KATNIP: variants seen among roughly 807,000 people sequenced by gnomAD.
KATNIP encodes katanin interacting protein, also known as katanin-interacting protein.
In KATNIP, 126 loss-of-function variants were observed where a neutral mutation model predicts 174.0. The ratio of observed to expected loss-of-function variants is 0.72; its 90% CI spans 0.63 to 0.84. The LOEUF is 0.84. KATNIP is among the 40% of genes least tolerant of loss of function. The probability of loss-of-function intolerance (pLI) is 0.00; values close to 1 mark genes in which losing one functional copy is unlikely to be tolerated. For missense variants in KATNIP, 1,958 were observed against 2,109.7 expected, an observed-to-expected ratio of 0.93 and a Z score of 1.41; for synonymous variants, 810 against 835.7, an observed-to-expected ratio of 0.97 and a Z score of 0.53.
chr16:27,699,738 C>T lies in KATNIP; in HGVS notation c.1179+139C>T, dbSNP rs1015883825. ...TCCAGGGCGCTTTCCTTCACACTGTCCTACCAGGTCCTCACTGTGTGCCCT... is the reference window on the plus strand; with the variant it reads ...TCCAGGGCGCTTTCCTTCACACTGTTCTACCAGGTCCTCACTGTGTGCCCT... On this transcript the variant is annotated intron_variant, in intron 10 of 27. Transcript: ENST00000261588. 8 of 1,063,186 alleles carry T rather than the reference C, an allele frequency of 7.5e-6. No homozygotes were observed. In the Middle Eastern group the frequency reaches 1.5e-3, roughly 204 times the overall value. The allele number at this position is 1,063,186 out of a possible 1,614,324, so 65.9% of individuals were successfully genotyped here.
chr16:27,550,151 C>T lies in KATNIP; in HGVS notation c.-20C>T. On this transcript the variant is annotated 5_prime_UTR_variant, in exon 1 of 28. Transcript: ENST00000261588. ...AGAGGCCGCTTCCGGTTCGAGCTCCCGGAACCGCCGCCTCTAGGGATGGAC... is the reference window on the plus strand; with the variant it reads ...AGAGGCCGCTTCCGGTTCGAGCTCCTGGAACCGCCGCCTCTAGGGATGGAC... 1.2e-6 allele frequency: 2 copies of T among 1,612,414 alleles called. No individual in the cohort carries two copies. Among genetic ancestry groups the T allele is most frequent in the Non-Finnish European group, 1.7e-6 (2 of 1,178,818 alleles).
intron 14 of KATNIP, among the ~76,000 whole-genome samples, chr16:27,730,432 C>T (rs2080626258): frequency 6.6e-6 from 1 of 152,140 alleles, no homozygotes. Flanking sequence ...GTCTCATTTG[C>T]AGTACTTGTC....
At chr16:27,731,774 A>G (rs1051967661) in intron 14 of KATNIP, among the ~76,000 whole-genome samples, 2 of 152,030 alleles carry the variant, frequency 1.3e-5, no homozygotes, top group Admixed American at 1.3e-4. Flanking sequence ...GTGTGCCCCT[A>G]CACAGGGCTA....
chr16:27,717,450 A>G (rs777295397), intron 13 of KATNIP, among the ~76,000 whole-genome samples: 4 of 152,134 alleles, frequency 2.6e-5, no homozygotes, highest in Non-Finnish European at 5.9e-5. Context: ...TCCATGGGCC[A>G]TTAATAATTC....
intron 2 of KATNIP, among the ~76,000 whole-genome samples, chr16:27,593,515 G>A (rs1210247381): frequency 6.6e-6 from 1 of 152,008 alleles, no homozygotes; most frequent in East Asian, 1.9e-4. Flanking sequence ...TGGGATTACA[G>A]GCGTGAGCCA....
At chr16:27,672,425 C>T (rs192976503) in intron 6 of KATNIP, among the ~76,000 whole-genome samples, 2 of 152,176 alleles carry the variant, frequency 1.3e-5, no homozygotes, top group African/African-American at 2.4e-5. Flanking sequence ...CTGAAATGCC[C>T]CTGTTTATAT....
intron 2 of KATNIP, among the ~76,000 whole-genome samples, chr16:27,593,951 C>T (rs569618093): frequency 1.6e-4 from 24 of 152,238 alleles, no homozygotes; most frequent in Middle Eastern, 6.8e-3. Context: ...GTGCTGTGAC[C>T]TTGTGGCTGA....
chr16:27,700,026 T>A (rs1760439096), intron 10 of KATNIP, among the ~76,000 whole-genome samples: 3 of 152,084 alleles, frequency 2.0e-5, no homozygotes, highest in Non-Finnish European at 4.4e-5. Flanking sequence ...TTCTCCCACC[T>A]CAGCCTCCCA....
At chr16:27,636,749 A>T (rs2076648814) in intron 5 of KATNIP, among the ~76,000 whole-genome samples, 1 of 150,082 alleles carries the variant, frequency 6.7e-6, no homozygotes, top group Non-Finnish European at 1.5e-5. Flanking sequence ...AGACCTGGCC[A>T]TGTAACCTCT....
intron 13 of KATNIP, among the ~76,000 whole-genome samples, chr16:27,713,817 TA>T (rs1567336895): frequency 2.0e-4 from 7 of 34,616 alleles, no homozygotes; most frequent in African/African-American, 1.2e-3. Context: ...TACATATATA[TA>T]TATATATATA....
intron 4 of KATNIP, among the ~76,000 whole-genome samples, chr16:27,629,195 GGAACCAC>G (rs2142148873): frequency 6.6e-6 from 1 of 151,224 alleles, no homozygotes; most frequent in South Asian, 2.1e-4. Context: ...TAGGGATTAT[GGAACCAC>G]ATCCTGTGCA....
At chr16:27,661,287 T>C (rs1485620138) in intron 6 of KATNIP, among the ~76,000 whole-genome samples, 1 of 152,126 alleles carries the variant, frequency 6.6e-6, no homozygotes, top group Non-Finnish European at 1.5e-5. Context: ...ATGGTGGGGA[T>C]AGTAGCAGAC....
Position 27,726,370 on chromosome 16 carries a change from G to A in KATNIP, c.1743+4675G>A, listed in dbSNP as rs140156228. On this transcript the variant is annotated intron_variant, in intron 14 of 27. Transcript: ENST00000261588. ...CTTTCTGTGATGGTAGACATGTCCT[G>A]TATCTGCCCTGTTTGGTACAGTAAT... Among the ~76,000 whole-genome samples the A allele has an allele frequency of 6.6e-4, 101 of 152,330 alleles. 1 individual carries two copies. The East Asian group carries it at 0.019, about 29-fold the overall frequency.
intron 8 of KATNIP, among the ~76,000 whole-genome samples, chr16:27,681,755 G>T (rs2078351716): frequency 1.3e-5 from 2 of 152,260 alleles, no homozygotes; most frequent in Admixed American, 6.5e-5. Flanking sequence ...CAGTTGTGGA[G>T]GAGCGAGTGC....
chr16:27,747,208 A>G (rs952678844), intron 15 of KATNIP, among the ~76,000 whole-genome samples: 4 of 152,232 alleles, frequency 2.6e-5, no homozygotes, highest in African/African-American at 7.2e-5. Context: ...CCAGGGAGGT[A>G]TAGTGGCTCC....
chr16:27,622,280 G>A (rs1298125821), intron 3 of KATNIP, among the ~76,000 whole-genome samples: 1 of 152,144 alleles, frequency 6.6e-6, no homozygotes, highest in Non-Finnish European at 1.5e-5. Flanking sequence ...AAAAGAAGCA[G>A]AAAGTGATTG....
intron 19 of KATNIP, among the ~76,000 whole-genome samples, chr16:27,764,342 A>G (rs2082057200): frequency 6.6e-6 from 1 of 152,230 alleles, no homozygotes. Flanking sequence ...ACAGTACTGC[A>G]TTTGAAGAGT....
At chr16:27,682,657 C>T (rs759373389) in intron 8 of KATNIP, among the ~76,000 whole-genome samples, 3 of 152,016 alleles carry the variant, frequency 2.0e-5, no homozygotes, top group South Asian at 2.1e-4. Flanking sequence ...AGAACCTGGG[C>T]GCTGGGGAGC....
chr16:27,622,939 G>A (rs369332155), intron 3 of KATNIP, among the ~76,000 whole-genome samples: 49 of 152,260 alleles, frequency 3.2e-4, no homozygotes, highest in African/African-American at 4.3e-4. Flanking sequence ...GGAGTCTCTG[G>A]CAATGAGCTC....
Sources: allele counts gnomAD v4.1 joint callset (sites outside exome capture counted in the v4.1 genomes callset), GRCh38; gene constraint gnomAD v4.1.1; transcripts MANE v1.5; gene names NCBI Gene and HGNC (gene_info 2026-07-23, HGNC 2026-07-21).